The following COL22A1 variants were observed in gnomAD, a reference collection of about 807,000 sequenced individuals.
COL22A1 encodes collagen type XXII alpha 1 chain.
In COL22A1, 221 loss-of-function variants were observed where a neutral mutation model predicts 248.9. That is an observed-to-expected ratio of 0.89 (90% CI 0.80 to 0.99). COL22A1 has a LOEUF of 0.99. COL22A1 is among the 50% of genes least tolerant of loss of function. The pLI, the probability that COL22A1 is intolerant of heterozygous loss-of-function variation, is 0.00. For synonymous variants in COL22A1, 891 were observed against 793.4 expected (o/e 1.12, Z -2.07); for missense variants, 2,240 against 2,179.0 (o/e 1.03, Z -0.56).
At chr8:138,784,698 G>T (rs575529174) in intron 12 of COL22A1, among the ~76,000 whole-genome samples, 1 of 152,084 alleles carries the variant, frequency 6.6e-6, no homozygotes, top group African/African-American at 2.4e-5. Flanking sequence ...ATTACAAGGC[G>T]CCAGGCACTG....
chr8:138,652,475 C>T (rs904095069), intron 45 of COL22A1, among the ~76,000 whole-genome samples: 16 of 152,102 alleles, frequency 1.1e-4, no homozygotes, highest in Non-Finnish European at 2.2e-4. Flanking sequence ...ATCAGATGAC[C>T]GTGATCATCA....
chr8:138,737,576 C>A lies in COL22A1; in HGVS notation c.2087G>T (p.Gly696Val). ...DGPPGLQGLRGKKGDMGPPGI... is the reference protein window; with the variant it reads ...DGPPGLQGLRVKKGDMGPPGI... Reference sequence around the variant, plus strand: ...AGGTGGTCCCATGTCACCTTTCTTCCCCTGAGTGTAAAAGAAGAAGCTAAA... The same window carrying A: ...AGGTGGTCCCATGTCACCTTTCTTCACCTGAGTGTAAAAGAAGAAGCTAAA... The change falls in exon 23 of 65, where the codon GGG becomes GTG. Residue 696 changes from glycine (G) to valine (V), a missense_variant and splice_region_variant. Gly to Val is a moderately radical substitution (Grantham distance 109). Coordinates refer to ENST00000303045, the MANE Select transcript of COL22A1 (RefSeq NM_152888.3). 1 of 1,608,100 alleles carries A rather than the reference C, an allele frequency of 6.2e-7. No individual in the cohort carries two copies. Among genetic ancestry groups the A allele is most frequent in the Non-Finnish European group, 8.5e-7 (1 of 1,174,832 alleles).
intron 12 of COL22A1, among the ~76,000 whole-genome samples, chr8:138,793,063 T>C (rs925845604): frequency 1.3e-5 from 2 of 152,200 alleles, no homozygotes; most frequent in African/African-American, 4.8e-5. Context: ...CAGAAGCCAA[T>C]GCACATTGCC....
At chr8:138,694,292 G>A (rs1287682188) in intron 34 of COL22A1, among the ~76,000 whole-genome samples, 1 of 152,168 alleles carries the variant, frequency 6.6e-6, no homozygotes, top group African/African-American at 2.4e-5. Flanking sequence ...ACAGAGTAGG[G>A]ACATCCAGGG....
At chr8:138,726,363 G>A (rs1016082833) in intron 23 of COL22A1, among the ~76,000 whole-genome samples, 2 of 151,840 alleles carry the variant, frequency 1.3e-5, no homozygotes, top group African/African-American at 4.8e-5. Context: ...TGGTCATAGG[G>A]GCTCTTGCCT....
intron 12 of COL22A1, among the ~76,000 whole-genome samples, chr8:138,785,810 T>C (rs1218858508): frequency 6.6e-6 from 1 of 152,242 alleles, no homozygotes; most frequent in Non-Finnish European, 1.5e-5. Flanking sequence ...GGAGCAGGAC[T>C]TAAGCACCTC....
At chr8:138,878,595 C>A (rs1302720756) in intron 2 of COL22A1, among the ~76,000 whole-genome samples, 1 of 152,194 alleles carries the variant, frequency 6.6e-6, no homozygotes, top group African/African-American at 2.4e-5. Flanking sequence ...CAGCACTATG[C>A]CTCAATCTCT....
At chr8:138,713,985 C>T (rs1336895245) in intron 30 of COL22A1, among the ~76,000 whole-genome samples, 1 of 152,150 alleles carries the variant, frequency 6.6e-6, no homozygotes, top group Non-Finnish European at 1.5e-5. Flanking sequence ...CTTTCCTTCC[C>T]GGACCACGTG....
At chr8:138,767,742 C>T (rs559425663) in intron 16 of COL22A1, among the ~76,000 whole-genome samples, 1 of 152,290 alleles carries the variant, frequency 6.6e-6, no homozygotes, top group South Asian at 2.1e-4. Flanking sequence ...GCCCACAGAG[C>T]CCCTCCAGGC....
At position 138,608,066 on chromosome 8, in the gene COL22A1, G is replaced by A. The variant is rs1818564804; in HGVS notation, c.3979-77C>T. 7 of 1,370,760 alleles carry A rather than the reference G, an allele frequency of 5.1e-6. No individual in the cohort carries two copies. The South Asian group carries it at 8.6e-5, about 17-fold the overall frequency. The allele number at this position is 1,370,760 out of a possible 1,614,324, so 84.9% of individuals were successfully genotyped here. On this transcript the variant is annotated intron_variant, in intron 56 of 64. Coordinates refer to ENST00000303045, the MANE Select transcript of COL22A1 (RefSeq NM_152888.3). ...CGGTGGAACAAAGAGATAGACTGAT[G>A]CACAGGACTTGGTTTTACACAGAAT...
intron 3 of COL22A1, among the ~76,000 whole-genome samples, chr8:138,876,131 G>A (rs2132033190): frequency 6.6e-6 from 1 of 152,222 alleles, no homozygotes; most frequent in Non-Finnish European, 1.5e-5. Context: ...TGGGGACCCT[G>A]ACAATCTGGC....
intron 56 of COL22A1, among the ~76,000 whole-genome samples, chr8:138,611,586 C>A (rs911168380): frequency 2.1e-4 from 32 of 152,366 alleles, no homozygotes; most frequent in African/African-American, 7.0e-4. Flanking sequence ...TTTAATATCA[C>A]AGCTAAGCTA....
rs548165076 is a variant in COL22A1, at chr8:138,898,189, G to T, written c.-72-14945C>A. On this transcript the variant is annotated intron_variant, in intron 1 of 64. Coordinates refer to ENST00000303045, the MANE Select transcript of COL22A1 (RefSeq NM_152888.3). ...GACACATTCAGTCTACAGCAGATAGGAATCAAGTTAAAGAACAGAACTGCA... is the reference window on the plus strand; with the variant it reads ...GACACATTCAGTCTACAGCAGATAGTAATCAAGTTAAAGAACAGAACTGCA... Among the ~76,000 whole-genome samples the T allele has an allele frequency of 5.9e-5, 9 of 152,210 alleles. No individual in the cohort carries two copies. The South Asian group carries it at 1.7e-3, about 28-fold the overall frequency.
intron 10 of COL22A1, among the ~76,000 whole-genome samples, chr8:138,806,226 GTA>G (rs537852541): frequency 0.012 from 1,626 of 137,674 alleles, 37 homozygotes; most frequent in African/African-American, 0.042. Context: ...GTGTGATGGG[GTA>G]TGTGTGTGAT....
In COL22A1 at chr8:138,640,243, A is replaced by G. The variant is rs370252113; in HGVS notation, c.3502-3448T>C. Among the ~76,000 whole-genome samples, 16 of 152,344 alleles carry G rather than the reference A, an allele frequency of 1.1e-4. No homozygotes were observed. In the South Asian group the frequency reaches 2.7e-3, roughly 26 times the overall value. ...ATTTTGTTTTTAATTACATTTTTCC[A>G]GAACCATCATGTGCTAAGCACATGA... is the stretch of plus-strand genomic sequence containing the variant. On this transcript the variant is annotated intron_variant, in intron 47 of 64. Coordinates refer to ENST00000303045, the MANE Select transcript of COL22A1 (RefSeq NM_152888.3).
At chr8:138,883,919 T>C (rs1824440765) in intron 1 of COL22A1, among the ~76,000 whole-genome samples, 1 of 152,170 alleles carries the variant, frequency 6.6e-6, no homozygotes, top group Non-Finnish European at 1.5e-5. Flanking sequence ...GTCACCGTCC[T>C]CATCTGAATA....
chr8:138,645,011 C>T (rs901400751), intron 47 of COL22A1, among the ~76,000 whole-genome samples: 4 of 152,172 alleles, frequency 2.6e-5, no homozygotes, highest in Admixed American at 2.6e-4. Flanking sequence ...ACAGTAAGTA[C>T]AAGCAACACA....
At chr8:138,657,625 T>C (rs1025968447) in intron 44 of COL22A1, among the ~76,000 whole-genome samples, 1 of 152,226 alleles carries the variant, frequency 6.6e-6, no homozygotes, top group Non-Finnish European at 1.5e-5. Flanking sequence ...ATGGAGGCAG[T>C]GGCCTTGTGA....
chr8:138,646,202 C>T (rs950348957), intron 47 of COL22A1, among the ~76,000 whole-genome samples: 4 of 152,182 alleles, frequency 2.6e-5, no homozygotes, highest in African/African-American at 4.8e-5. Context: ...TAACAGTGCT[C>T]GCTTGCATTC....
Sources: allele counts gnomAD v4.1 joint callset (sites outside exome capture counted in the v4.1 genomes callset), GRCh38; gene constraint gnomAD v4.1.1; transcripts MANE v1.5; gene names NCBI Gene and HGNC (gene_info 2026-07-23, HGNC 2026-07-21).